Variants in DOCK2 observed in about 807,000 individuals in gnomAD.
DOCK2 encodes the protein dedicator of cytokinesis protein 2.
A neutral mutation model predicts 248.9 loss-of-function variants in DOCK2; 87 were observed. The observed-to-expected ratio is 0.35, with a 90% CI of 0.29 to 0.42. The LOEUF (loss-of-function observed/expected upper bound fraction) is 0.42. Among genes scored for constraint, DOCK2 ranks in the 10% least tolerant of loss-of-function variants. The pLI is 1.00. For missense variants in DOCK2, 1,747 were observed against 2,300.2 expected, an observed-to-expected ratio of 0.76 and a Z score of 4.92; for synonymous variants, 805 against 821.6, an observed-to-expected ratio of 0.98 and a Z score of 0.35.
At chr5:169,836,744 G>A (rs1581262219) in intron 26 of DOCK2, among the ~76,000 whole-genome samples, 1 of 152,000 alleles carries the variant, frequency 6.6e-6, no homozygotes, top group Non-Finnish European at 1.5e-5. Context: ...GTTAGAAAAG[G>A]TGTTTTTACA....
At chr5:170,061,560 G>A (rs1757328497) in intron 44 of DOCK2, among the ~76,000 whole-genome samples, 1 of 152,090 alleles carries the variant, frequency 6.6e-6, no homozygotes, top group Admixed American at 6.6e-5. Context: ...TGAAATCTAG[G>A]CCTTTCACCA....
chr5:170,036,590 G>A (rs771608162), intron 36 of DOCK2, 35 bp downstream of exon 36: 11 of 1,606,762 alleles, frequency 6.8e-6, no homozygotes, highest in East Asian at 2.2e-5. Flanking sequence ...CAGACCTGCT[G>A]TGTCACTTTC....
chr5:169,707,100 G>A (rs575396823), intron 14 of DOCK2, among the ~76,000 whole-genome samples: 1 of 152,196 alleles, frequency 6.6e-6, no homozygotes, highest in African/African-American at 2.4e-5. Context: ...ATTGAAAATT[G>A]TTTGGCCTAA....
At chr5:169,830,590 T>A (rs924004603) in intron 26 of DOCK2, among the ~76,000 whole-genome samples, 3 of 152,244 alleles carry the variant, frequency 2.0e-5, no homozygotes, top group Non-Finnish European at 2.9e-5. Flanking sequence ...CTTTATTCAT[T>A]GGCATTAAGA....
At chr5:169,975,682 A>G (rs998778651) in intron 27 of DOCK2, among the ~76,000 whole-genome samples, 1 of 152,190 alleles carries the variant, frequency 6.6e-6, no homozygotes, top group African/African-American at 2.4e-5. Flanking sequence ...TAGGGCAGAT[A>G]CTCCATCTCC....
At chr5:170,043,724 G>T (rs1463005760) in intron 38 of DOCK2, among the ~76,000 whole-genome samples, 1 of 152,226 alleles carries the variant, frequency 6.6e-6, no homozygotes, top group Non-Finnish European at 1.5e-5. Context: ...CTGCCCTGCT[G>T]GGTGTCAAGT....
At chr5:170,036,148 T>G (rs2113838786) in intron 35 of DOCK2, among the ~76,000 whole-genome samples, 1 of 152,258 alleles carries the variant, frequency 6.6e-6, no homozygotes, top group South Asian at 2.1e-4. Context: ...GCCTGAGCTT[T>G]GAAACATCAA....
chr5:170,057,919 G>A (rs1001988691), intron 44 of DOCK2, among the ~76,000 whole-genome samples: 1 of 152,158 alleles, frequency 6.6e-6, no homozygotes, highest in East Asian at 1.9e-4. Flanking sequence ...GCTGATGAAT[G>A]GGGAGCTTCT....
At chr5:169,817,570 C>G (rs1768144927) in intron 26 of DOCK2, among the ~76,000 whole-genome samples, 1 of 152,238 alleles carries the variant, frequency 6.6e-6, no homozygotes. Flanking sequence ...CCCACTGCTA[C>G]AATAAACTTT....
At chr5:169,674,548 A>G in intron 6 of DOCK2, 103 bp downstream of exon 6, 1 of 1,527,484 alleles carries the variant, frequency 6.5e-7, no homozygotes, top group Non-Finnish European at 8.8e-7. Flanking sequence ...CAATTTTGTC[A>G]CTTTCTGTTT....
At chr5:169,725,262 C>T (rs155241) in intron 22 of DOCK2, among the ~76,000 whole-genome samples, 7,188 of 152,228 alleles carry the variant, frequency 0.047, 335 homozygotes, top group African/African-American at 0.11. Context: ...TTTATGATAG[C>T]ATTAACTTGG....
At chr5:169,817,545 C>G (rs185398571) in intron 26 of DOCK2, among the ~76,000 whole-genome samples, 1 of 152,226 alleles carries the variant, frequency 6.6e-6, no homozygotes, top group African/African-American at 2.4e-5. Flanking sequence ...GCCTCACTCC[C>G]TGGTTAACAC....
rs576632273 is a variant in DOCK2 at position 170,079,099 on chromosome 5, G to A, written c.5119G>A (p.Val1707Ile). 3.8e-5 allele frequency: 61 copies of A among 1,613,996 alleles called. No homozygotes were observed. The highest frequency in any genetic ancestry group is 1.1e-4 in the East Asian group (5 of 44,894). Residue 1707 changes from valine (V) to isoleucine (I), a missense_variant, in exon 49 of 52, where the codon GTA becomes ATA. Val to Ile is a conservative substitution (Grantham distance 29, BLOSUM62 3). Around this residue, in one of 4 missense-constraint regions of DOCK2, gnomAD observed 513 missense variants for 586.1 expected, o/e 0.88. Transcript: ENST00000520908. The part of the protein sequence containing the change: ...RSKKRTKRSS[V>I]VFADEKAAAE... ...CAAGAAGAGGACAAAGAGAAGCAGCGTAGTTTTTGCGGATGAGAAAGCAGC... is the reference window on the plus strand; with the variant it reads ...CAAGAAGAGGACAAAGAGAAGCAGCATAGTTTTTGCGGATGAGAAAGCAGC...
At chr5:169,795,901 C>T (rs1305449726) in intron 25 of DOCK2, among the ~76,000 whole-genome samples, 1 of 152,202 alleles carries the variant, frequency 6.6e-6, no homozygotes, top group African/African-American at 2.4e-5. Flanking sequence ...TCCCCATTGC[C>T]AGTCCTCCGA....
In DOCK2 at chr5:169,879,635, T is replaced by C. The variant is rs1459306065; in HGVS notation, c.2799+38783T>C. The stretch of plus-strand genomic sequence containing the variant: ...AGAATGTTTGCTGGAGATGTTTGAA[T>C]TAAGTGCTAGAAAAATGCAAACATT... On this transcript the variant is annotated intron_variant, in intron 27 of 51. Transcript: ENST00000520908. 2.0e-5 allele frequency among the ~76,000 whole-genome samples: 3 copies of C among 152,236 alleles called. No individual in the cohort carries two copies. In the East Asian group the frequency reaches 5.8e-4, roughly 29 times the overall value.
intron 33 of DOCK2, among the ~76,000 whole-genome samples, chr5:170,026,630 A>C (rs6876568): frequency 0.46 from 70,395 of 151,998 alleles, 17,622 homozygotes; most frequent in African/African-American, 0.65. Context: ...TAAAATAGTA[A>C]AAACCATTTT....
At chr5:169,757,365 A>G (rs1764250307) in intron 23 of DOCK2, among the ~76,000 whole-genome samples, 1 of 76,824 alleles carries the variant, frequency 1.3e-5, no homozygotes, top group Non-Finnish European at 2.0e-5. Flanking sequence ...TTCTATAGTT[A>G]AAAAAAAACT....
At chr5:169,720,010 G>T (rs1422904470) in intron 22 of DOCK2, among the ~76,000 whole-genome samples, 3 of 152,114 alleles carry the variant, frequency 2.0e-5, no homozygotes, top group Non-Finnish European at 2.9e-5. Context: ...TCTGAAACAG[G>T]CAATCATTTG....
chr5:169,900,015 G>A (rs962720841), intron 27 of DOCK2, among the ~76,000 whole-genome samples: 10 of 152,238 alleles, frequency 6.6e-5, no homozygotes, highest in East Asian at 1.9e-4. Flanking sequence ...TCCAGCACTC[G>A]AAACCACAAG....
Sources: allele counts gnomAD v4.1 joint callset (sites outside exome capture counted in the v4.1 genomes callset), GRCh38; gene constraint gnomAD v4.1.1; regional missense constraint gnomAD v4.1.1; transcripts MANE v1.5; gene names NCBI Gene and HGNC (gene_info 2026-07-23, HGNC 2026-07-21).